Variants in DGKI observed in about 807,000 individuals in gnomAD.
The protein encoded by DGKI is DAG kinase iota.
In DGKI, 55 loss-of-function variants were observed where a neutral mutation model predicts 147.5. The observed-to-expected ratio is 0.37, with a 90% CI of 0.30 to 0.47. The LOEUF is 0.47. Ranked by LOEUF, DGKI falls within the 20% of genes least tolerant of loss-of-function variation. DGKI has a pLI of 1.00. For missense variants in DGKI, 1,007 were observed against 1,323.8 expected (o/e 0.76, Z 3.71); for synonymous variants, 469 against 477.1 (o/e 0.98, Z 0.22).
chr7:137,474,271 T>C (rs1815089447), intron 23 of DGKI, among the ~76,000 whole-genome samples: 1 of 152,214 alleles, frequency 6.6e-6, no homozygotes, highest in Non-Finnish European at 1.5e-5. Flanking sequence ...TCCATGTACA[T>C]ATCTAAGCAG....
chr7:137,811,442 G>C (rs908719816), intron 1 of DGKI, among the ~76,000 whole-genome samples: 9 of 144,128 alleles, frequency 6.2e-5, no homozygotes, highest in African/African-American at 2.3e-4. Context: ...GCTCACAAAA[G>C]TCAACTTCCC....
chr7:137,510,392 T>C (rs1032485479), intron 21 of DGKI, among the ~76,000 whole-genome samples: 6 of 152,332 alleles, frequency 3.9e-5, no homozygotes, highest in Non-Finnish European at 8.8e-5. Context: ...AGCATGCCCT[T>C]GACAATGGAA....
intron 2 of DGKI, among the ~76,000 whole-genome samples, chr7:137,684,566 G>A (rs779169033): frequency 2.6e-4 from 39 of 152,124 alleles, no homozygotes; most frequent in Admixed American, 2.5e-3. Context: ...AGAATTCCAT[G>A]ATTTCCCTCG....
intron 27 of DGKI, among the ~76,000 whole-genome samples, chr7:137,450,618 A>G (rs1813915807): frequency 6.6e-6 from 1 of 152,138 alleles, no homozygotes; most frequent in Admixed American, 6.5e-5. Context: ...GCTACTTGGG[A>G]GGCTAAGGCA....
At position 137,504,991 on chromosome 7, in the gene DGKI, T is replaced by A. The variant is rs1443727237; in HGVS notation, c.2248+16875A>T. ...GCAAAACACGTATCTGATAAAAGAC[T>A]GGTATCCCATCATTCTAAGCAAACT... is the stretch of plus-strand genomic sequence containing the variant. On this transcript the variant is annotated intron_variant, in intron 21 of 32. Transcript: ENST00000614521. Among the ~76,000 whole-genome samples, 3 of 152,008 alleles carry A rather than the reference T, an allele frequency of 2.0e-5. No homozygotes were observed. In the East Asian group the frequency reaches 5.8e-4, roughly 29 times the overall value.
At chr7:137,441,402 C>CAA (rs1212628140) in intron 28 of DGKI, among the ~76,000 whole-genome samples, 1 of 112,208 alleles carries the variant, frequency 8.9e-6, no homozygotes, top group African/African-American at 3.5e-5. Context: ...GCCTGGGCGA[C>CAA]AGAGTGAGAC....
chr7:137,631,750 T>C (rs149053408), intron 6 of DGKI, among the ~76,000 whole-genome samples: 162 of 151,798 alleles, frequency 1.1e-3, no homozygotes, highest in African/African-American at 3.7e-3. Flanking sequence ...AAATGAACCA[T>C]GTTAAGTAAA....
chr7:137,767,475 G>GAGAAGAGA (rs1199853434), intron 1 of DGKI, among the ~76,000 whole-genome samples: 2 of 100,284 alleles, frequency 2.0e-5, no homozygotes, highest in Non-Finnish European at 4.5e-5. Context: ...GAGAAGGGAA[G>GAGAAGAGA]AGAAGAGAAG....
chr7:137,674,773 C>A (rs1822971952), intron 3 of DGKI, among the ~76,000 whole-genome samples: 2 of 152,320 alleles, frequency 1.3e-5, no homozygotes, highest in South Asian at 4.1e-4. Flanking sequence ...TTATGTAAAT[C>A]TTACCCATCT....
chr7:137,697,530 T>G (rs1823832614), intron 1 of DGKI, among the ~76,000 whole-genome samples: 1 of 152,212 alleles, frequency 6.6e-6, no homozygotes, highest in South Asian at 2.1e-4. Flanking sequence ...AAGAGTAGTT[T>G]ACACTCTATC....
At chr7:137,637,270 C>T (rs1350880533) in intron 6 of DGKI, among the ~76,000 whole-genome samples, 1 of 152,212 alleles carries the variant, frequency 6.6e-6, no homozygotes, top group Non-Finnish European at 1.5e-5. Flanking sequence ...AATCTCAACT[C>T]CGAGTCCGTT....
At position 137,740,622 on chromosome 7, in the gene DGKI, C is replaced by A. The variant is rs150491960; in HGVS notation, c.402-50620G>T. Among the ~76,000 whole-genome samples the A allele has an allele frequency of 4.0e-3, 616 of 152,282 alleles. 6 individuals carry two copies. The highest frequency in any genetic ancestry group is 0.014 in the African/African-American group (570 of 41,556). ...AATACTTTTAATCCCCTCCCCTACC[C>A]GATATCCCCGCACAAAAACAACCAT... is the stretch of plus-strand genomic sequence containing the variant. On this transcript the variant is annotated intron_variant, in intron 1 of 32. Transcript: ENST00000614521.
intron 20 of DGKI, among the ~76,000 whole-genome samples, chr7:137,539,413 A>T (rs1359627888): frequency 6.6e-6 from 1 of 151,980 alleles, no homozygotes; most frequent in Non-Finnish European, 1.5e-5. Context: ...ATGTTCATGA[A>T]CTCTTGGGTG....
intron 20 of DGKI, among the ~76,000 whole-genome samples, chr7:137,548,383 CA>C: frequency 6.6e-6 from 1 of 152,210 alleles, no homozygotes; most frequent in Non-Finnish European, 1.5e-5. Flanking sequence ...GGGGCCTGGT[CA>C]GAGGTGTTTG....
At chr7:137,591,924 G>A (rs706562) in intron 12 of DGKI, among the ~76,000 whole-genome samples, 4 of 151,944 alleles carry the variant, frequency 2.6e-5, no homozygotes, top group East Asian at 1.9e-4. Flanking sequence ...ATCAGAAAGC[G>A]TTTCTTTTGC....
In DGKI at chr7:137,781,629, G is replaced by A. The variant is rs551714371; in HGVS notation, c.401+64833C>T. Among the ~76,000 whole-genome samples, 5 of 152,344 alleles carry A rather than the reference G, an allele frequency of 3.3e-5. No homozygotes were observed. The East Asian group carries it at 9.7e-4, about 29-fold the overall frequency. On this transcript the variant is annotated intron_variant, in intron 1 of 32. Transcript: ENST00000614521. Reference sequence around the variant, plus strand: ...GGGCTGGGGCAGGCCCCTGTTGGAGGAGGGAAGAAAGCTCAATTCTAAATC... The same window carrying A: ...GGGCTGGGGCAGGCCCCTGTTGGAGAAGGGAAGAAAGCTCAATTCTAAATC...
chr7:137,771,444 T>C (rs942280461), intron 1 of DGKI, among the ~76,000 whole-genome samples: 1 of 152,176 alleles, frequency 6.6e-6, no homozygotes, highest in African/African-American at 2.4e-5. Flanking sequence ...GGAAACAAGA[T>C]TCACATTGCA....
intron 6 of DGKI, among the ~76,000 whole-genome samples, chr7:137,628,153 G>A (rs1027622295): frequency 7.7e-4 from 117 of 152,296 alleles, no homozygotes; most frequent in African/African-American, 2.6e-3. Context: ...TAGGGTGAGT[G>A]TATCTAGCCC....
At chr7:137,472,423 A>ATATTATAAT (rs1815015998) in intron 23 of DGKI, among the ~76,000 whole-genome samples, 2 of 12,380 alleles carry the variant, frequency 1.6e-4, no homozygotes, top group Non-Finnish European at 5.2e-4. Context: ...ATACATATAC[A>ATATTATAAT]TATTATATGT....
Sources: allele counts gnomAD v4.1 joint callset (sites outside exome capture counted in the v4.1 genomes callset), GRCh38; gene constraint gnomAD v4.1.1; transcripts MANE v1.5; gene names NCBI Gene and HGNC (gene_info 2026-07-23, HGNC 2026-07-21).